The following CAB39L variants were observed in gnomAD, a reference collection of about 807,000 sequenced individuals.
The protein encoded by CAB39L is calcium-binding protein 39-like.
In CAB39L, 23 loss-of-function variants were observed where a neutral mutation model predicts 39.1. The observed-to-expected ratio is 0.59, with a 90% CI of 0.42 to 0.83. The LOEUF is 0.83. Ranked by LOEUF, CAB39L falls within the 40% of genes least tolerant of loss-of-function variation. The pLI, the probability that CAB39L is intolerant of heterozygous loss-of-function variation, is 0.00. For missense variants in CAB39L, 366 were observed against 391.9 expected, an observed-to-expected ratio of 0.93 and a Z score of 0.56; for synonymous variants, 126 against 137.2, an observed-to-expected ratio of 0.92 and a Z score of 0.57.
intron 3 of CAB39L, among the ~76,000 whole-genome samples, chr13:49,405,738 GAA>G (rs1244184460): frequency 7.7e-6 from 1 of 129,542 alleles, no homozygotes; most frequent in Non-Finnish European, 1.7e-5. Context: ...AGGAAGGAAG[GAA>G]GGAAGGAAGG....
At chr13:49,361,477 C>CAAAAAA (rs33984866) in intron 5 of CAB39L, among the ~76,000 whole-genome samples, 43 of 54,430 alleles carry the variant, frequency 7.9e-4, no homozygotes, top group Admixed American at 8.9e-4. Context: ...GACTTCATCT[C>CAAAAAA]AAAAAAAAAA....
At position 49,312,076 on chromosome 13, in the gene CAB39L, G is replaced by A. The variant is rs185644802; in HGVS notation, c.835-1083C>T. ...ACCTGGCTAATTTAAAAAGTTTTTCGTAGAGGCAGGCCTGACTATGACTGC... is the reference window on the plus strand; with the variant it reads ...ACCTGGCTAATTTAAAAAGTTTTTCATAGAGGCAGGCCTGACTATGACTGC... On this transcript the variant is annotated intron_variant, in intron 10 of 10. Transcript: ENST00000409308. Among the ~76,000 whole-genome samples, 362 of 152,184 alleles carry A rather than the reference G, an allele frequency of 2.4e-3. 2 individuals are homozygous for A. The highest frequency in any genetic ancestry group is 7.5e-3 in the African/African-American group (312 of 41,518).
At chr13:49,429,773 G>T (rs536330923) in intron 3 of CAB39L, among the ~76,000 whole-genome samples, 1 of 152,234 alleles carries the variant, frequency 6.6e-6, no homozygotes, top group South Asian at 2.1e-4. Context: ...GTTTTAATTT[G>T]CATTTATTTG....
At chr13:49,328,657 C>T (rs1314503505) in intron 10 of CAB39L, among the ~76,000 whole-genome samples, 1 of 151,976 alleles carries the variant, frequency 6.6e-6, no homozygotes, top group Non-Finnish European at 1.5e-5. Flanking sequence ...ACAGCGAGAC[C>T]TCATCACTGC....
At chr13:49,328,376 T>A (rs1355324463) in intron 10 of CAB39L, among the ~76,000 whole-genome samples, 1 of 152,176 alleles carries the variant, frequency 6.6e-6, no homozygotes, top group East Asian at 1.9e-4. Context: ...GCCAATCAGG[T>A]TTCCTCATCT....
chr13:49,347,706 G>A (rs1247729372), intron 7 of CAB39L, among the ~76,000 whole-genome samples: 1 of 152,074 alleles, frequency 6.6e-6, no homozygotes, highest in Non-Finnish European at 1.5e-5. Flanking sequence ...CACCTTTTGA[G>A]GGGATCATCT....
chr13:49,381,446 C>T (rs1291150884), intron 4 of CAB39L, among the ~76,000 whole-genome samples: 1 of 152,118 alleles, frequency 6.6e-6, no homozygotes, highest in Non-Finnish European at 1.5e-5. Context: ...ATTTTCAGCA[C>T]CCAGGAGTCA....
intron 3 of CAB39L, among the ~76,000 whole-genome samples, chr13:49,402,257 T>G (rs9568195): frequency 0.24 from 36,143 of 152,134 alleles, 4,794 homozygotes; most frequent in South Asian, 0.4. Context: ...CACATACAAT[T>G]ATAGAGTAAA....
intron 10 of CAB39L, among the ~76,000 whole-genome samples, chr13:49,322,022 A>G (rs1180350307): frequency 6.6e-6 from 1 of 152,212 alleles, no homozygotes; most frequent in Non-Finnish European, 1.5e-5. Context: ...TGACTCATTT[A>G]AAGTATACTT....
chr13:49,329,843 T>C (rs1954636109), intron 10 of CAB39L, among the ~76,000 whole-genome samples: 1 of 152,044 alleles, frequency 6.6e-6, no homozygotes, highest in African/African-American at 2.4e-5. Flanking sequence ...AAATGTAACC[T>C]TGAAGCAAAC....
chr13:49,313,650 G>T (rs999220316), intron 10 of CAB39L, among the ~76,000 whole-genome samples: 2 of 152,144 alleles, frequency 1.3e-5, no homozygotes, highest in African/African-American at 4.8e-5. Flanking sequence ...GCACTATTTT[G>T]TAAAAGACAC....
intron 5 of CAB39L, 23 bp from the exon 6 acceptor site, chr13:49,359,855 T>C (rs764355060): frequency 1.1e-4 from 144 of 1,331,556 alleles, no homozygotes; most frequent in Admixed American, 6.8e-5. Context: ...CAAACAGAAA[T>C]TAAATTGTAC....
chr13:49,322,907 G>C (rs1242483602), intron 10 of CAB39L, among the ~76,000 whole-genome samples: 1 of 152,238 alleles, frequency 6.6e-6, no homozygotes, highest in Non-Finnish European at 1.5e-5. Context: ...AGCCTATTGA[G>C]ATAGCTGCTG....
intron 5 of CAB39L, among the ~76,000 whole-genome samples, chr13:49,375,849 G>A (rs1357643327): frequency 1.3e-5 from 2 of 151,166 alleles, no homozygotes; most frequent in Non-Finnish European, 3.0e-5. Context: ...AATGCCAAAG[G>A]CAGAGAAAGA....
chr13:49,381,442 A>C (rs1232859701), intron 4 of CAB39L, among the ~76,000 whole-genome samples: 1 of 152,188 alleles, frequency 6.6e-6, no homozygotes, highest in Non-Finnish European at 1.5e-5. Flanking sequence ...GGACATTTTC[A>C]GCACCCAGGA....
chr13:49,331,944 TAC>T lies in CAB39L; in HGVS notation c.834+1_834+2del. ...CATTGTTTCCAGAGCTTGTACTTTT[TAC>T]CTTAAAAACATGAAAGGCTTCAAAC... is the stretch of plus-strand genomic sequence containing the variant. On this transcript the variant is annotated splice_donor_variant, in intron 10 of 10. Coordinates refer to ENST00000409308, the MANE Select transcript of CAB39L (RefSeq NM_001079670.3). LOFTEE classifies it high-confidence loss of function. 6.2e-7 allele frequency: 1 copy of T among 1,614,062 alleles called. No homozygotes were observed. Among genetic ancestry groups the T allele is most frequent in the Admixed American group, 1.7e-5 (1 of 60,016 alleles).
chr13:49,410,607 G>T (rs1185048259), intron 3 of CAB39L, among the ~76,000 whole-genome samples: 1 of 152,200 alleles, frequency 6.6e-6, no homozygotes, highest in African/African-American at 2.4e-5. Flanking sequence ...TGAGTGAAGG[G>T]ACAGAAAACC....
chr13:49,358,315 G>T (rs1323062543), intron 6 of CAB39L, among the ~76,000 whole-genome samples: 1 of 152,058 alleles, frequency 6.6e-6, no homozygotes, highest in Non-Finnish European at 1.5e-5. Context: ...ATCTAAATGT[G>T]ATTATTAAAA....
intron 4 of CAB39L, among the ~76,000 whole-genome samples, chr13:49,381,589 A>AT (rs1054098991): frequency 1.3e-5 from 2 of 152,138 alleles, no homozygotes; most frequent in African/African-American, 4.8e-5. Flanking sequence ...AGTTCCACTG[A>AT]TTTTCAACTT....
Sources: allele counts gnomAD v4.1 joint callset (sites outside exome capture counted in the v4.1 genomes callset), GRCh38; gene constraint gnomAD v4.1.1; transcripts MANE v1.5; gene names NCBI Gene and HGNC (gene_info 2026-07-23, HGNC 2026-07-21).